PELI1: variants seen among roughly 807,000 people sequenced by gnomAD.
The protein encoded by PELI1 is pellino E3 ubiquitin protein ligase 1.
PELI1 carries 15 observed loss-of-function variants against 41.3 expected under a neutral mutation model. That is an observed-to-expected ratio of 0.36 (90% confidence interval 0.24 to 0.56). The LOEUF is 0.56. Ranked by LOEUF, PELI1 falls within the 20% of genes least tolerant of loss-of-function variation. PELI1 has a pLI of 0.82. For missense variants in PELI1, 403 were observed against 525.5 expected (o/e 0.77, Z 2.28); for synonymous variants, 178 against 180.1 (o/e 0.99, Z 0.09).
Position 64,095,016 on chromosome 2 carries a change from G to C in PELI1, c.943C>G (p.His315Asp). ...PWVYLNCGHV[H>D]GYHNWGNKEE... Reference sequence around the variant, plus strand: ...TTGTTTCCCCAGTTATGATAGCCATGTACATGGCCGCAGTTTAGATATACC... The same window carrying C: ...TTGTTTCCCCAGTTATGATAGCCATCTACATGGCCGCAGTTTAGATATACC... Residue 315 changes from histidine to aspartate, a missense_variant, in exon 7 of 7, where the codon CAT (histidine) becomes GAT (aspartate). Coordinates refer to ENST00000358912, the MANE Select transcript of PELI1 (RefSeq NM_020651.4). 6.2e-7 allele frequency: 1 copy of C among 1,614,178 alleles called. No homozygotes were observed. The highest frequency in any genetic ancestry group is 8.5e-7 in the Non-Finnish European group (1 of 1,180,012).
chr2:64,135,006 T>G (rs545986248), intron 1 of PELI1, among the ~76,000 whole-genome samples: 1 of 152,274 alleles, frequency 6.6e-6, no homozygotes, highest in East Asian at 1.9e-4. Context: ...TTTACCACAT[T>G]ACTTATCTTT....
chr2:64,137,278 A>C (rs1189528765), intron 1 of PELI1, among the ~76,000 whole-genome samples: 2 of 152,232 alleles, frequency 1.3e-5, no homozygotes, highest in East Asian at 3.8e-4. Flanking sequence ...GAATATAAGA[A>C]GACTTAAGAA....
intron 3 of PELI1, among the ~76,000 whole-genome samples, chr2:64,101,325 A>C (rs1460683627): frequency 6.6e-6 from 1 of 151,120 alleles, no homozygotes; most frequent in East Asian, 1.9e-4. Flanking sequence ...AAAAGAAAAA[A>C]ATTTAAAAAA....
At chr2:64,114,944 T>A (rs1680942083) in intron 1 of PELI1, among the ~76,000 whole-genome samples, 1 of 152,120 alleles carries the variant, frequency 6.6e-6, no homozygotes, top group Non-Finnish European at 1.5e-5. Context: ...TGGCACACAG[T>A]AAGGTACTTA....
intron 1 of PELI1, among the ~76,000 whole-genome samples, chr2:64,136,463 T>C (rs1681720520): frequency 6.6e-6 from 1 of 152,192 alleles, no homozygotes; most frequent in Non-Finnish European, 1.5e-5. Flanking sequence ...CCTAACAATT[T>C]ACTGAAAAAT....
intron 1 of PELI1, among the ~76,000 whole-genome samples, chr2:64,133,280 A>G (rs922737074): frequency 1.3e-5 from 2 of 152,194 alleles, no homozygotes; most frequent in Non-Finnish European, 2.9e-5. Context: ...ACTACAAAGA[A>G]TTCTTAAGCT....
At chr2:64,108,908 T>A (rs1022813911) in intron 1 of PELI1, among the ~76,000 whole-genome samples, 7 of 152,218 alleles carry the variant, frequency 4.6e-5, no homozygotes, top group Admixed American at 3.3e-4. Flanking sequence ...CAGAAAACTT[T>A]TGACAGTAAC....
At chr2:64,102,590 C>G (rs1680481316) in intron 3 of PELI1, among the ~76,000 whole-genome samples, 1 of 152,110 alleles carries the variant, frequency 6.6e-6, no homozygotes, top group South Asian at 2.1e-4. Context: ...AAAATTAATT[C>G]TTAGTGGCTA....
At chr2:64,099,763 A>T (rs1425863399) in intron 4 of PELI1, among the ~76,000 whole-genome samples, 1 of 152,242 alleles carries the variant, frequency 6.6e-6, no homozygotes, top group African/African-American at 2.4e-5. Context: ...AAGGGAGAAG[A>T]TCAAGGATTC....
Position 64,095,059 on chromosome 2 carries a change from TACA to T in PELI1, c.897_899del (p.Val300del), listed in dbSNP as rs759967166. 4 of 1,614,124 alleles carry T rather than the reference TACA, an allele frequency of 2.5e-6. No homozygotes were observed. In the African/African-American group the frequency reaches 5.3e-5, roughly 22 times the overall value. Reference sequence around the variant, plus strand: ...GATATACCCATGGTTGTTTTTCATCTACAACGTCTTTCCTCTTCATACTAGGAA... The same window carrying T: ...GATATACCCATGGTTGTTTTTCATCTACGTCTTTCCTCTTCATACTAGGAA... On this transcript the variant is annotated inframe_deletion, in exon 7 of 7. Transcript: ENST00000358912.
chr2:64,103,860 G>A (rs186870586), intron 3 of PELI1, among the ~76,000 whole-genome samples: 1 of 152,314 alleles, frequency 6.6e-6, no homozygotes, highest in African/African-American at 2.4e-5. Context: ...ACTTCCAGGA[G>A]TCAAAGAACT....
intron 5 of PELI1, 42 bp from the exon 6 acceptor site, chr2:64,096,355 T>G (rs376703137): frequency 6.5e-5 from 104 of 1,594,216 alleles, no homozygotes; most frequent in Non-Finnish European, 7.7e-5. Flanking sequence ...TTGTAACTTG[T>G]AACTTGGAAT....
intron 1 of PELI1, among the ~76,000 whole-genome samples, chr2:64,128,867 T>C (rs2103731919): frequency 6.6e-6 from 1 of 152,308 alleles, no homozygotes; most frequent in South Asian, 2.1e-4. Flanking sequence ...AATGAGATCC[T>C]AATTAACACA....
intron 1 of PELI1, among the ~76,000 whole-genome samples, chr2:64,142,760 T>C (rs1174738679): frequency 1.3e-5 from 2 of 152,220 alleles, no homozygotes; most frequent in African/African-American, 2.4e-5. Flanking sequence ...ATATTTTAAA[T>C]TCACCCTATT....
At chr2:64,109,135 A>G in intron 1 of PELI1, among the ~76,000 whole-genome samples, 1 of 152,040 alleles carries the variant, frequency 6.6e-6, no homozygotes, top group East Asian at 1.9e-4. Flanking sequence ...TGTCAGCTAG[A>G]CTTCCACCCC....
At chr2:64,134,058 C>T (rs1044714723) in intron 1 of PELI1, among the ~76,000 whole-genome samples, 1 of 151,974 alleles carries the variant, frequency 6.6e-6, no homozygotes, top group Non-Finnish European at 1.5e-5. Context: ...TATGAAGGAG[C>T]CTTCAATTTA....
In PELI1 at chr2:64,096,443, T is replaced by A; in HGVS notation, c.471A>T (p.Gly157=). The A allele has an allele frequency of 6.2e-7, 1 of 1,613,422 alleles. No homozygotes were observed. The highest frequency in any genetic ancestry group is 8.5e-7 in the Non-Finnish European group (1 of 1,179,400). ...GAAAGATGTTTTTTGATGAGTCAAA[T>A]CCTGCAGCATAAATCCGTGCTGTAA... ...PPFTARIYAA[G]FDSSKNIFLG... Residue 157 remains glycine, a synonymous_variant, in exon 5 of 7, where the codon GGA becomes GGT. Coordinates refer to ENST00000358912, the MANE Select transcript of PELI1 (RefSeq NM_020651.4).
At chr2:64,124,650 G>A (rs974308609) in intron 1 of PELI1, among the ~76,000 whole-genome samples, 1 of 152,198 alleles carries the variant, frequency 6.6e-6, no homozygotes, top group Non-Finnish European at 1.5e-5. Flanking sequence ...CTCATAATCT[G>A]TTTCAGACTA....
chr2:64,100,734 C>CA, intron 3 of PELI1, among the ~76,000 whole-genome samples: 1 of 151,164 alleles, frequency 6.6e-6, no homozygotes, highest in African/African-American at 2.4e-5. Context: ...AACTTTCTTT[C>CA]TTTTTTTTTA....
Sources: allele counts gnomAD v4.1 joint callset (sites outside exome capture counted in the v4.1 genomes callset), GRCh38; gene constraint gnomAD v4.1.1; transcripts MANE v1.5; gene names NCBI Gene and HGNC (gene_info 2026-07-23, HGNC 2026-07-21).